The following MILR1 variants were observed in gnomAD, a reference collection of about 807,000 sequenced individuals.
MILR1 encodes allergin-1.
MILR1 carries 31 observed loss-of-function variants against 18.5 expected under a neutral mutation model. That is an observed-to-expected ratio of 1.68 (90% confidence interval 1.26 to 2.26). The LOEUF (loss-of-function observed/expected upper bound fraction) is 2.26. Among genes scored for constraint, MILR1 ranks in the 30% most tolerant of loss-of-function variants. MILR1 has a pLI of 0.00. For synonymous variants in MILR1, 85 were observed against 56.2 expected, an observed-to-expected ratio of 1.51 and a Z score of -2.30; for missense variants, 257 against 157.4, an observed-to-expected ratio of 1.63 and a Z score of -3.38.
downstream of MILR1, among the ~76,000 whole-genome samples, chr17:64,473,303 A>G (rs1383071700): frequency 6.6e-6 from 1 of 151,318 alleles, no homozygotes; most frequent in Non-Finnish European, 1.5e-5. Context: ...GTGAGCCCAG[A>G]TCGCGCCACT....
chr17:64,486,446 C>G, the MILR1 span, among the ~76,000 whole-genome samples: 1 of 151,780 alleles, frequency 6.6e-6, no homozygotes, highest in Non-Finnish European at 1.5e-5. Flanking sequence ...TTGCCAACCT[C>G]TGCCACCCGG....
chr17:64,495,596 ATATT>A, the MILR1 span, among the ~76,000 whole-genome samples: 1 of 152,216 alleles, frequency 6.6e-6, no homozygotes, highest in Admixed American at 6.5e-5. Context: ...TTACCAATTC[ATATT>A]TAATTTACCA....
Position 64,457,399 on chromosome 17 carries a change from G to T in MILR1, c.368-1G>T. On this transcript the variant is annotated splice_acceptor_variant, in intron 3 of 9. Coordinates refer to ENST00000619286, the MANE Select transcript of MILR1 (RefSeq NM_001085423.2). LOFTEE classifies it high-confidence loss of function. ...TTTCATGTTCACTTTCATTCTTCCA[G>T]ACCCGGTGACTTCCCCAGTGCTGAA... 2.1e-6 allele frequency: 1 copy of T among 475,154 alleles called. No homozygotes were observed. Among genetic ancestry groups the T allele is most frequent in the South Asian group, 6.7e-5 (1 of 14,838 alleles). The allele number at this position is 475,154 out of a possible 1,614,324, so 29.4% of individuals were successfully genotyped here.
At chr17:64,496,723 G>C in the MILR1 span, 1 of 1,614,072 alleles carries the variant, frequency 6.2e-7, no homozygotes, top group Non-Finnish European at 8.5e-7. Context: ...GCTGCTGCTT[G>C]CTTCCACTTA....
intron 8 of MILR1, among the ~76,000 whole-genome samples, chr17:64,467,272 ATTT>A (rs35879907): frequency 6.4e-5 from 9 of 141,622 alleles, no homozygotes; most frequent in Admixed American, 1.4e-4. Context: ...TGTCTGACTA[ATTT>A]TTTTTTTTTT....
the MILR1 span, chr17:64,496,337 C>G: frequency 2.0e-6 from 2 of 1,024,008 alleles, no homozygotes; most frequent in Non-Finnish European, 2.9e-6. Context: ...TTGCAATCCC[C>G]AAGATCCAGC....
At chr17:64,466,691 T>TG in intron 8 of MILR1, 29 bp downstream of exon 8, 1 of 1,565,386 alleles carries the variant, frequency 6.4e-7, no homozygotes, top group Non-Finnish European at 8.7e-7. Context: ...TAAGAGGTAC[T>TG]GGTGAAATGA....
At chr17:64,468,994 T>C (rs181721759), downstream of MILR1, among the ~76,000 whole-genome samples, 151,510 of 152,126 alleles carry the variant, frequency 1, 75,453 homozygotes, top group East Asian at 1. Flanking sequence ...GGCTGAGGCA[T>C]GAGAATCGCT....
At chr17:64,495,204 T>G in the MILR1 span, among the ~76,000 whole-genome samples, 1 of 141,894 alleles carries the variant, frequency 7.0e-6, no homozygotes. Context: ...GGAACCAGGA[T>G]CTGGGCACTA....
chr17:64,497,102 C>G, the MILR1 span: 3 of 911,068 alleles, frequency 3.3e-6, no homozygotes, highest in Non-Finnish European at 3.5e-6. Context: ...GCGGCAGGCC[C>G]CACCCCGGAA....
intron 9 of MILR1, 124 bp from the exon 10 acceptor site, chr17:64,468,186 C>T: frequency 2.2e-6 from 1 of 451,252 alleles, no homozygotes. Flanking sequence ...TGGGGAGGAC[C>T]CTCCTTGCCT....
At chr17:64,492,713 T>G in the MILR1 span, 34 of 1,613,498 alleles carry the variant, frequency 2.1e-5, no homozygotes, top group Non-Finnish European at 2.9e-5. Flanking sequence ...ATCAAGCCAC[T>G]GGTTTGAAGT....
At chr17:64,467,406 C>CAGCT (rs2037598313) in intron 8 of MILR1, among the ~76,000 whole-genome samples, 159 bp from the exon 9 acceptor site, 2 of 152,062 alleles carry the variant, frequency 1.3e-5, no homozygotes, top group Non-Finnish European at 2.9e-5. Flanking sequence ...GCATTATGCC[C>CAGCT]AGCTAACATT....
chr17:64,472,684 T>C (rs1281612073), downstream of MILR1, among the ~76,000 whole-genome samples: 3 of 152,018 alleles, frequency 2.0e-5, no homozygotes, highest in Non-Finnish European at 2.9e-5. Context: ...TTCAGTAGCA[T>C]GCTGTACAGG....
At chr17:64,489,142 A>G in the MILR1 span, among the ~76,000 whole-genome samples, 1 of 151,632 alleles carries the variant, frequency 6.6e-6, no homozygotes, top group Admixed American at 6.6e-5. Context: ...AAGGTAAGGA[A>G]GTGCTCGTCA....
chr17:64,473,900 G>A, the MILR1 span, among the ~76,000 whole-genome samples: 1 of 152,110 alleles, frequency 6.6e-6, no homozygotes, highest in East Asian at 1.9e-4. Flanking sequence ...TGTGGAGATG[G>A]TTATACATTT....
In MILR1 at chr17:64,465,368, G is replaced by A. The variant is rs552285318; in HGVS notation, c.764-84G>A. On this transcript the variant is annotated intron_variant, in intron 5 of 9. Transcript: ENST00000619286. The stretch of plus-strand genomic sequence containing the variant: ...AAGTCACTCTCTGTTTCAGAACTTT[G>A]AGGGAATTCTGCTCCTTGGCCGAGG... 3.7e-5 allele frequency: 35 copies of A among 958,414 alleles called. No individual in the cohort carries two copies. The African/African-American group carries it at 5.4e-4, about 15-fold the overall frequency. 59.4% of individuals were successfully genotyped at this position (958,414 alleles called of 1,614,324 possible).
chr17:64,457,459 A>G lies in MILR1; in HGVS notation c.427A>G (p.Ile143Val). Residue 143 changes from isoleucine to valine, a missense_variant, in exon 4 of 10, where the codon ATA (isoleucine) becomes GTA (valine). Ile to Val is a conservative substitution (Grantham distance 29). Coordinates refer to ENST00000619286, the MANE Select transcript of MILR1 (RefSeq NM_001085423.2). ...CATTCAAACAGAAACAGACCGACATATAACATTACATTGCCTCTCAGTCAA... is the reference window on the plus strand; with the variant it reads ...CATTCAAACAGAAACAGACCGACATGTAACATTACATTGCCTCTCAGTCAA... ...MVIQTETDRHITLHCLSVNGS... is the reference protein window; with the variant it reads ...MVIQTETDRHVTLHCLSVNGS... 2.1e-6 allele frequency: 1 copy of G among 475,394 alleles called. No homozygotes were observed. The highest frequency in any genetic ancestry group is 6.7e-5 in the South Asian group (1 of 14,872). 29.4% of individuals were successfully genotyped at this position (475,394 alleles called of 1,614,324 possible).
At chr17:64,490,984 T>A in the MILR1 span, 2 of 1,603,588 alleles carry the variant, frequency 1.2e-6, no homozygotes. Flanking sequence ...AAAAGAAAAT[T>A]TAAGTTTGTC....
Sources: gnomAD v4.1 joint callset for allele counts (sites outside exome capture counted in the v4.1 genomes callset) on GRCh38, gnomAD v4.1.1 for gene constraint, MANE v1.5 for transcripts, NCBI Gene and HGNC (gene_info 2026-07-23, HGNC 2026-07-21) for gene names.